MED13L: variants seen among roughly 807,000 people sequenced by gnomAD.
The protein encoded by MED13L is mediator complex subunit 13L, also known as mediator of RNA polymerase II transcription subunit 13-like.
Under a neutral mutation model 220.9 loss-of-function variants are expected in MED13L, and 7 were observed. The observed-to-expected ratio is 0.03, with a 90% CI of 0.02 to 0.06. The LOEUF (loss-of-function observed/expected upper bound fraction) is 0.06, where lower values mean the gene tolerates loss of function less well. Ranked by LOEUF, MED13L falls within the 10% of genes least tolerant of loss-of-function variation. The probability of loss-of-function intolerance (pLI) is 1.00; values close to 1 mark genes in which losing one functional copy is unlikely to be tolerated. For missense variants in MED13L, 1,965 were observed against 2,760.5 expected (o/e 0.71, Z 6.46); for synonymous variants, 1,011 against 1,015.2 (o/e 1.00, Z 0.08).
intron 4 of MED13L, among the ~76,000 whole-genome samples, chr12:116,039,346 G>T (rs1161468642): frequency 6.6e-6 from 1 of 152,110 alleles, no homozygotes; most frequent in Non-Finnish European, 1.5e-5. Flanking sequence ...CTCAAAGAAG[G>T]CCCCAGTTTC....
chr12:116,047,854 A>G (rs1881931589), intron 4 of MED13L, among the ~76,000 whole-genome samples: 1 of 152,220 alleles, frequency 6.6e-6, no homozygotes, highest in Admixed American at 6.5e-5. Context: ...TTTCCAGTAC[A>G]GCCTTCCCTC....
rs186985448 is a variant in MED13L at position 116,099,100 on chromosome 12, T to C, written c.396-2348A>G. 1.9e-4 allele frequency among the ~76,000 whole-genome samples: 29 copies of C among 152,300 alleles called. No individual in the cohort carries two copies. In the East Asian group the frequency reaches 1.9e-3, roughly 10 times the overall value. ...TGTAGCAGTAATAAAAGATGAGTGTTACAATGGCAATTTTTGTAGATGAAG... is the reference window on the plus strand; with the variant it reads ...TGTAGCAGTAATAAAAGATGAGTGTCACAATGGCAATTTTTGTAGATGAAG... On this transcript the variant is annotated intron_variant, in intron 3 of 30. Coordinates refer to ENST00000281928, the MANE Select transcript of MED13L (RefSeq NM_015335.5).
chr12:116,074,252 G>A (rs1000722023), intron 4 of MED13L, among the ~76,000 whole-genome samples: 11 of 152,064 alleles, frequency 7.2e-5, no homozygotes, highest in South Asian at 2.1e-4. Flanking sequence ...AAAAGTAGCC[G>A]GGGGTGGTGG....
intron 2 of MED13L, among the ~76,000 whole-genome samples, chr12:116,161,379 T>C (rs764612875): frequency 1.3e-5 from 2 of 152,100 alleles, no homozygotes; most frequent in Non-Finnish European, 2.9e-5. Flanking sequence ...TGGAAATATA[T>C]ATATATACAC....
chr12:116,257,621 C>T (rs1872167415), intron 1 of MED13L, among the ~76,000 whole-genome samples: 1 of 152,086 alleles, frequency 6.6e-6, no homozygotes. Context: ...TCCAAGCTGC[C>T]TGTACAGAAA....
chr12:116,277,228 G>GCTGC lies in MED13L; in HGVS notation c.-98_-97insGCAG. On this transcript the variant is annotated 5_prime_UTR_variant, in exon 1 of 31. Transcript: ENST00000281928. ...CGGCGGCGCCTCGCCGGGGAGCGCG[G>GCTGC]GGCGGCCGGGCCGCCGCCGCCGCCG... 1.7e-6 allele frequency: 1 copy of GCTGC among 584,882 alleles called. No individual in the cohort carries two copies. The highest frequency in any genetic ancestry group is 2.1e-6 in the Non-Finnish European group (1 of 483,738). 36.2% of individuals were successfully genotyped at this position (584,882 alleles called of 1,614,324 possible). A position where few individuals can be genotyped will look rare whatever the true frequency, so the allele number is the denominator to read the frequency against.
intron 28 of MED13L, 87 bp downstream of exon 28, chr12:115,968,853 A>T: frequency 6.6e-7 from 1 of 1,525,130 alleles, no homozygotes; most frequent in Non-Finnish European, 9.1e-7. Flanking sequence ...GAACTGTGCA[A>T]GTAGGAACAA....
At chr12:116,239,315 T>C (rs1200244655) in intron 1 of MED13L, among the ~76,000 whole-genome samples, 2 of 152,204 alleles carry the variant, frequency 1.3e-5, no homozygotes, top group African/African-American at 2.4e-5. Context: ...TATATGTTAC[T>C]TGGTTTCCTC....
chr12:116,002,984 G>A lies in MED13L; in HGVS notation c.2569+19C>T. ...ACAGGCAGTGAGCCACAATGGCTCA[G>A]TCAAGTTTCTCTACCTACTTGGTGG... On this transcript the variant is annotated intron_variant, in intron 14 of 30. Transcript: ENST00000281928. 4 of 1,592,910 alleles carry A rather than the reference G, an allele frequency of 2.5e-6. No homozygotes were observed. The highest frequency in any genetic ancestry group is 3.4e-6 in the Non-Finnish European group (4 of 1,160,756).
At chr12:116,108,398 GGGGCGCGT>G (rs1873782643) in intron 3 of MED13L, among the ~76,000 whole-genome samples, 1 of 135,352 alleles carries the variant, frequency 7.4e-6, no homozygotes, top group Non-Finnish European at 1.6e-5. Flanking sequence ...AAAGGGGGGG[GGGGCGCGT>G]GGGGGGTGGG....
intron 4 of MED13L, chr12:116,082,690 GAAAAA>G (rs566258515): frequency 6.9e-6 from 1 of 145,636 alleles, no homozygotes; most frequent in African/African-American, 2.5e-5. Context: ...ATTATAAAAA[GAAAAA>G]AAAAAGAACT....
intron 2 of MED13L, among the ~76,000 whole-genome samples, chr12:116,180,864 T>C (rs1328280181): frequency 6.6e-6 from 1 of 152,152 alleles, no homozygotes; most frequent in Admixed American, 6.5e-5. Flanking sequence ...TTCCTTACTA[T>C]ATAATTACAT....
At chr12:116,079,295 T>C (rs774979068) in intron 4 of MED13L, among the ~76,000 whole-genome samples, 3 of 152,120 alleles carry the variant, frequency 2.0e-5, no homozygotes, top group African/African-American at 7.2e-5. Context: ...TATAGCTCAC[T>C]GCAGCCTCAA....
intron 4 of MED13L, among the ~76,000 whole-genome samples, chr12:116,031,853 G>A (rs1256452249): frequency 6.6e-6 from 1 of 151,684 alleles, no homozygotes; most frequent in African/African-American, 2.4e-5. Context: ...ATCTTTATTT[G>A]CAGATGGATA....
chr12:116,246,486 T>C (rs975652718), intron 1 of MED13L, among the ~76,000 whole-genome samples: 9 of 151,374 alleles, frequency 5.9e-5, no homozygotes, highest in African/African-American at 1.7e-4. Flanking sequence ...TTTCATACAA[T>C]AGGCAAAAAC....
chr12:115,970,873 T>C (rs1876535537), intron 26 of MED13L, 103 bp from the exon 27 acceptor site: 1 of 1,090,234 alleles, frequency 9.2e-7, no homozygotes, highest in Non-Finnish European at 1.4e-6. Context: ...GAAAATGCCA[T>C]GATAAATACA....
At chr12:116,007,969 A>G in intron 10 of MED13L, 4 of 344,680 alleles carry the variant, frequency 1.2e-5, no homozygotes, top group Non-Finnish European at 2.1e-5. Context: ...GAGATCATCT[A>G]TGTAAAGTTT....
At chr12:116,212,935 G>C (rs777446700) in intron 2 of MED13L, among the ~76,000 whole-genome samples, 11 of 152,250 alleles carry the variant, frequency 7.2e-5, no homozygotes, top group Non-Finnish European at 1.5e-4. Context: ...GCTGCCATTA[G>C]ATCAGGCAGA....
chr12:115,962,769 A>C (rs1294504509), intron 30 of MED13L: 2 of 157,950 alleles, frequency 1.3e-5, no homozygotes, highest in South Asian at 1.8e-4. Context: ...TCATGCCTGT[A>C]ATCTCAGCAC....
Sources: gnomAD v4.1 joint callset for allele counts (sites outside exome capture counted in the v4.1 genomes callset) on GRCh38, gnomAD v4.1.1 for gene constraint, MANE v1.5 for transcripts, NCBI Gene and HGNC (gene_info 2026-07-23, HGNC 2026-07-21) for gene names.